Variants in CACNA2D1 observed in about 807,000 individuals in gnomAD.
CACNA2D1 encodes calcium voltage-gated channel auxiliary subunit alpha2delta 1.
In CACNA2D1, 53 loss-of-function variants were observed where a neutral mutation model predicts 171.5. That is an observed-to-expected ratio of 0.31 (90% confidence interval 0.25 to 0.39). CACNA2D1 has a LOEUF of 0.39. Ranked by LOEUF, CACNA2D1 falls within the 10% of genes least tolerant of loss-of-function variation. The pLI, the probability that CACNA2D1 is intolerant of heterozygous loss-of-function variation, is 1.00. For missense variants in CACNA2D1, 903 were observed against 1,299.8 expected (o/e 0.69, Z 4.69); for synonymous variants, 442 against 443.1 (o/e 1.00, Z 0.03).
chr7:82,404,191 C>A (rs1166004301), intron 1 of CACNA2D1, among the ~76,000 whole-genome samples: 1 of 152,126 alleles, frequency 6.6e-6, no homozygotes, highest in Admixed American at 6.6e-5. Context: ...TCTGGAAACT[C>A]TGGAGCCAAA....
At chr7:81,995,140 T>C (rs1329213853) in intron 19 of CACNA2D1, among the ~76,000 whole-genome samples, 1 of 152,162 alleles carries the variant, frequency 6.6e-6, no homozygotes, top group South Asian at 2.1e-4. Context: ...TTACATTATT[T>C]TAAAATAATA....
intron 4 of CACNA2D1, among the ~76,000 whole-genome samples, chr7:82,152,029 A>G (rs1793906831): frequency 6.6e-6 from 1 of 152,060 alleles, no homozygotes; most frequent in South Asian, 2.1e-4. Context: ...ACATAAGAAG[A>G]ACAAGTGAAC....
chr7:82,311,530 C>A (rs767705680), intron 3 of CACNA2D1, among the ~76,000 whole-genome samples: 3 of 151,190 alleles, frequency 2.0e-5, no homozygotes, highest in Non-Finnish European at 4.4e-5. Context: ...TTTCCACAAT[C>A]AAAAAAAAAT....
chr7:81,960,451 T>C (rs1224823686), intron 36 of CACNA2D1, among the ~76,000 whole-genome samples: 1 of 152,100 alleles, frequency 6.6e-6, no homozygotes, highest in Non-Finnish European at 1.5e-5. Context: ...ACTACTGCAC[T>C]GGGCAACACA....
At chr7:81,996,469 G>C (rs1289111686) in intron 19 of CACNA2D1, among the ~76,000 whole-genome samples, 2 of 151,844 alleles carry the variant, frequency 1.3e-5, no homozygotes, top group Admixed American at 6.6e-5. Context: ...CTAAAAATCT[G>C]TAATCTAGAA....
intron 1 of CACNA2D1, among the ~76,000 whole-genome samples, chr7:82,442,444 C>T (rs955685067): frequency 1.1e-4 from 17 of 152,098 alleles, no homozygotes; most frequent in African/African-American, 3.4e-4. Flanking sequence ...GCCGGATAGG[C>T]TATTCGGTGC....
chr7:82,241,914 A>C (rs1804347773), intron 3 of CACNA2D1, among the ~76,000 whole-genome samples: 1 of 152,176 alleles, frequency 6.6e-6, no homozygotes, highest in Non-Finnish European at 1.5e-5. Context: ...ACCTTAACAC[A>C]GAGAACATAT....
intron 1 of CACNA2D1, among the ~76,000 whole-genome samples, chr7:82,358,334 T>C (rs892368456): frequency 5.9e-5 from 9 of 152,248 alleles, no homozygotes; most frequent in African/African-American, 2.2e-4. Context: ...TGGATAAGTA[T>C]ACAATTAATT....
intron 3 of CACNA2D1, among the ~76,000 whole-genome samples, chr7:82,259,505 A>G (rs1317575477): frequency 1.3e-5 from 2 of 152,236 alleles, no homozygotes; most frequent in African/African-American, 2.4e-5. Flanking sequence ...CTATGGTAAC[A>G]CATTTGAGTT....
At chr7:82,362,582 A>G (rs780997404) in intron 1 of CACNA2D1, among the ~76,000 whole-genome samples, 3 of 152,186 alleles carry the variant, frequency 2.0e-5, no homozygotes, top group Non-Finnish European at 4.4e-5. Context: ...CCTTCAGTGC[A>G]TCTCCTGCTG....
Position 82,443,464 on chromosome 7 carries a change from G to C in CACNA2D1, c.-5C>G, listed in dbSNP as rs775722585. 1.9e-6 allele frequency: 3 copies of C among 1,607,042 alleles called. No homozygotes were observed. Among genetic ancestry groups the C allele is most frequent in the Admixed American group, 1.7e-5 (1 of 59,464 alleles). ...CAGCAGGCAGCCAGCAGCCATCTTC[G>C]CGATCGAAGATCAATGCCCCCTCCC... On this transcript the variant is annotated 5_prime_UTR_variant, in exon 1 of 39. Coordinates refer to ENST00000356860, the MANE Select transcript of CACNA2D1 (RefSeq NM_000722.4).
At chr7:81,987,550 G>A (rs764570603) in intron 21 of CACNA2D1, among the ~76,000 whole-genome samples, 34 of 152,214 alleles carry the variant, frequency 2.2e-4, no homozygotes, top group Middle Eastern at 3.4e-3. Flanking sequence ...ATGGTACTTG[G>A]ATCAAGACTT....
chr7:81,984,190 T>C (rs1562821169), intron 22 of CACNA2D1, among the ~76,000 whole-genome samples: 1 of 152,138 alleles, frequency 6.6e-6, no homozygotes, highest in Non-Finnish European at 1.5e-5. Flanking sequence ...TGAAGCACAA[T>C]ATTATTCTGG....
intron 4 of CACNA2D1, among the ~76,000 whole-genome samples, chr7:82,149,772 C>CAAA (rs1319774469): frequency 1.4e-3 from 124 of 90,510 alleles, no homozygotes; most frequent in African/African-American, 3.7e-3. Context: ...ACTAAAAATA[C>CAAA]AAAAAAAAAA....
intron 4 of CACNA2D1, among the ~76,000 whole-genome samples, chr7:82,157,563 A>T (rs1314368381): frequency 1.3e-5 from 2 of 152,090 alleles, no homozygotes; most frequent in Non-Finnish European, 2.9e-5. Context: ...GGGAAGCCTC[A>T]GGATCAACAT....
At chr7:82,370,914 C>A (rs1268020424) in intron 1 of CACNA2D1, among the ~76,000 whole-genome samples, 2 of 152,040 alleles carry the variant, frequency 1.3e-5, no homozygotes, top group Non-Finnish European at 2.9e-5. Flanking sequence ...ATCCCAAGAA[C>A]TTTAGTGAAA....
In CACNA2D1 at chr7:82,266,262, C is replaced by A. The variant is rs542584469; in HGVS notation, c.294+68873G>T. On this transcript the variant is annotated intron_variant, in intron 3 of 38. Transcript: ENST00000356860. ...ATTTAAGATTGACAAGTGCAGGGTG[C>A]TATTTGTTATCAAGTGGACAGGCTA... 4.6e-5 allele frequency among the ~76,000 whole-genome samples: 7 copies of A among 152,212 alleles called. No homozygotes were observed. The East Asian group carries it at 7.7e-4, about 17-fold the overall frequency.
At chr7:82,182,645 A>C (rs2129171828) in intron 3 of CACNA2D1, among the ~76,000 whole-genome samples, 1 of 152,272 alleles carries the variant, frequency 6.6e-6, no homozygotes, top group African/African-American at 2.4e-5. Context: ...TAAGAATACA[A>C]AAATTTAATA....
chr7:82,033,168 C>A lies in CACNA2D1; in HGVS notation c.1039-267G>T, dbSNP rs147958842. ...TTTATCATGAGGTGATTACTCACAA[C>A]TATGTTTTAAATTGCAGTCTCCCTC... On this transcript the variant is annotated intron_variant, in intron 11 of 38. Transcript: ENST00000356860. 93 of 296,136 alleles carry A rather than the reference C, an allele frequency of 3.1e-4. 1 individual carries two copies. The East Asian group carries it at 3.4e-3, about 11-fold the overall frequency. 18.3% of individuals were successfully genotyped at this position (296,136 alleles called of 1,614,324 possible). A position where few individuals can be genotyped will look rare whatever the true frequency, so the allele number is the denominator to read the frequency against.
Sources: gnomAD v4.1 joint callset for allele counts (sites outside exome capture counted in the v4.1 genomes callset) on GRCh38, gnomAD v4.1.1 for gene constraint, MANE v1.5 for transcripts, NCBI Gene and HGNC (gene_info 2026-07-23, HGNC 2026-07-21) for gene names.